Variants in NUAK1 observed in about 807,000 individuals in gnomAD.
The protein encoded by NUAK1 is NUAK family SNF1-like kinase 1.
A neutral mutation model predicts 56.9 loss-of-function variants in NUAK1; 26 were observed. That is an observed-to-expected ratio of 0.46 (90% confidence interval 0.33 to 0.63). The LOEUF (loss-of-function observed/expected upper bound fraction) is 0.63, where lower values mean the gene tolerates loss of function less well. NUAK1 is among the 30% of genes least tolerant of loss of function. The pLI is 0.02. For synonymous variants in NUAK1, 337 were observed against 336.0 expected, an observed-to-expected ratio of 1.00 and a Z score of -0.03; for missense variants, 727 against 876.1, an observed-to-expected ratio of 0.83 and a Z score of 2.15.
Position 106,072,711 on chromosome 12 carries a change from G to C in NUAK1, c.699+13C>G. On this transcript the variant is annotated intron_variant, in intron 5 of 6. Transcript: ENST00000261402. The stretch of plus-strand genomic sequence containing the variant: ...CCCTCCCCTGCCCCATACACATTGG[G>C]AAAGCTGCTCACCTCTGGCCCTCGG... 6.2e-7 allele frequency: 1 copy of C among 1,613,040 alleles called. No individual in the cohort carries two copies.
rs752050315 is a variant in NUAK1, at chr12:106,067,088, C to T, written c.1700G>A (p.Arg567His). Residue 567 changes from arginine to histidine, a missense_variant, in exon 7 of 7, where the codon CGC becomes CAC. Physicochemically the swap from Arg to His is conservative, Grantham distance 29 (BLOSUM62 0). Coordinates refer to ENST00000261402, the MANE Select transcript of NUAK1 (RefSeq NM_014840.3). The surrounding 1 kb of genome is among the most constrained non-coding windows in gnomAD (Gnocchi z 6.0). The part of the protein sequence containing the change: ...PAEGLSRSYS[R>H]PSSVISDDSV... ...GTCATCGCTGATGACACTGGAAGGG[C>T]GGCTGTAGCTCCGGGAGAGGCCCTC... 1.3e-5 allele frequency: 21 copies of T among 1,614,200 alleles called. No individual in the cohort carries two copies. Among genetic ancestry groups the T allele is most frequent in the East Asian group, 4.5e-5 (2 of 44,884 alleles).
Position 106,071,006 on chromosome 12 carries a change from A to AC in NUAK1, c.700-101_700-100insG, listed in dbSNP as rs1417295635. On this transcript the variant is annotated intron_variant, in intron 5 of 6. Transcript: ENST00000261402. ...TAGCCTGTGAGCAGCCACCCCCAGC[A>AC]GCCCCAGGAACTGAATTTAGCACCT... is the stretch of plus-strand genomic sequence containing the variant. 8.1e-5 allele frequency: 108 copies of AC among 1,326,186 alleles called. No homozygotes were observed. The East Asian group carries it at 2.4e-3, about 29-fold the overall frequency. 82.2% of individuals were successfully genotyped at this position (1,326,186 alleles called of 1,614,324 possible).
intron 4 of NUAK1, among the ~76,000 whole-genome samples, chr12:106,075,121 T>C (rs543139555): frequency 1.1e-4 from 17 of 152,170 alleles, no homozygotes; most frequent in Non-Finnish European, 2.2e-4. Flanking sequence ...ATTTGCTCTG[T>C]AGCCGTTCTG....
chr12:106,099,080 T>C (rs1481673474), intron 2 of NUAK1, among the ~76,000 whole-genome samples: 1 of 152,238 alleles, frequency 6.6e-6, no homozygotes, highest in Non-Finnish European at 1.5e-5. Context: ...TATCCTCTTT[T>C]ATTTACTTAG....
rs1376502521 is a variant in NUAK1 at position 106,083,857 on chromosome 12, G to C, written c.579+7C>G. 1 of 1,613,570 alleles carries C rather than the reference G, an allele frequency of 6.2e-7. No homozygotes were observed. The highest frequency in any genetic ancestry group is 8.5e-7 in the Non-Finnish European group (1 of 1,179,538). Reference sequence around the variant, plus strand: ...CTGCATATCAATCGACGACGCAAGGGCTTTACCTTAATATTGCAGTTGTCA... The same window carrying C: ...CTGCATATCAATCGACGACGCAAGGCCTTTACCTTAATATTGCAGTTGTCA... On this transcript the variant is annotated splice_region_variant and intron_variant, in intron 4 of 6. Coordinates refer to ENST00000261402, the MANE Select transcript of NUAK1 (RefSeq NM_014840.3).
chr12:106,126,458 C>T (rs1360260898), intron 1 of NUAK1, among the ~76,000 whole-genome samples: 3 of 152,160 alleles, frequency 2.0e-5, no homozygotes, highest in African/African-American at 7.2e-5. Flanking sequence ...CTGCCATCAT[C>T]CCCAAGTTAC....
rs764819884 is a variant in NUAK1 at position 106,130,760 on chromosome 12, C to G, written c.240+7654G>C. Among the ~76,000 whole-genome samples the G allele has an allele frequency of 3.6e-4, 55 of 152,334 alleles. 1 individual carries two copies. Among genetic ancestry groups the G allele is most frequent in the Non-Finnish European group, 7.3e-4 (50 of 68,034 alleles). On this transcript the variant is annotated intron_variant, in intron 1 of 6. Transcript: ENST00000261402. ...TTCATATGTATCCACCTGGAGGAGG[C>G]CTTTTTTTAATTTGCACAAAGGTGC...
chr12:106,065,231 G>A lies in NUAK1; in HGVS notation c.*1571C>T, dbSNP rs141582401. 6.6e-6 allele frequency: 1 copy of A among 152,306 alleles called. No individual in the cohort carries two copies. The highest frequency in any genetic ancestry group is 1.5e-5 in the Non-Finnish European group (1 of 68,028). 9.4% of individuals were successfully genotyped at this position (152,306 alleles called of 1,614,324 possible). A position where few individuals can be genotyped will look rare whatever the true frequency, so the allele number is the denominator to read the frequency against. On this transcript the variant is annotated 3_prime_UTR_variant, in exon 7 of 7. Coordinates refer to ENST00000261402, the MANE Select transcript of NUAK1 (RefSeq NM_014840.3). Reference sequence around the variant, plus strand: ...AGTACAAACCTAGTATCATGAAGGTGTCCCATGGTTGGAGTGGCATCTTGT... The same window carrying A: ...AGTACAAACCTAGTATCATGAAGGTATCCCATGGTTGGAGTGGCATCTTGT...
At chr12:106,125,424 T>C (rs889222200) in intron 1 of NUAK1, among the ~76,000 whole-genome samples, 1 of 152,186 alleles carries the variant, frequency 6.6e-6, no homozygotes, top group Admixed American at 6.5e-5. Context: ...AGTCAGACGG[T>C]CCAGCCCTAC....
Position 106,065,344 on chromosome 12 carries a change from G to A in NUAK1, c.*1458C>T, listed in dbSNP as rs1163582691. ...GTTTACTTTTTAAGATAAGAGTCCT[G>A]CCGCACCTCTTTTCTGTCTCCCCCA... is the stretch of plus-strand genomic sequence containing the variant. On this transcript the variant is annotated 3_prime_UTR_variant, in exon 7 of 7. Transcript: ENST00000261402. The A allele has an allele frequency of 6.6e-6, 1 of 152,050 alleles. No individual in the cohort carries two copies. The highest frequency in any genetic ancestry group is 1.5e-5 in the Non-Finnish European group (1 of 68,010). 9.4% of individuals were successfully genotyped at this position (152,050 alleles called of 1,614,324 possible). A position where few individuals can be genotyped will look rare whatever the true frequency, so the allele number is the denominator to read the frequency against.
intron 1 of NUAK1, among the ~76,000 whole-genome samples, chr12:106,119,548 G>A (rs956811454): frequency 2.0e-5 from 3 of 152,152 alleles, no homozygotes; most frequent in African/African-American, 7.2e-5. Context: ...AAATCTGTAG[G>A]GAAGCTGGAA....
At chr12:106,073,615 C>A (rs997991637) in intron 4 of NUAK1, among the ~76,000 whole-genome samples, 4 of 151,998 alleles carry the variant, frequency 2.6e-5, no homozygotes, top group African/African-American at 9.7e-5. Context: ...GTCAAGAATT[C>A]GAGACCAGCC....
intron 2 of NUAK1, 22 bp downstream of exon 2, chr12:106,106,383 A>T (rs397833289): frequency 4.3e-5 from 8 of 187,418 alleles, no homozygotes; most frequent in Non-Finnish European, 7.0e-5. Context: ...TATGGGGGTT[A>T]AAAAAAAAAA....
intron 1 of NUAK1, among the ~76,000 whole-genome samples, chr12:106,130,679 G>A (rs996605415): frequency 3.3e-5 from 5 of 152,222 alleles, no homozygotes; most frequent in Admixed American, 6.5e-5. Context: ...AGCCCGCGTC[G>A]TTCTCACAGA....
intron 1 of NUAK1, among the ~76,000 whole-genome samples, chr12:106,131,168 C>T (rs968696690): frequency 6.6e-6 from 1 of 152,176 alleles, no homozygotes; most frequent in Admixed American, 6.5e-5. Flanking sequence ...TGAGCCCCCC[C>T]CTTTTTAAGT....
intron 2 of NUAK1, among the ~76,000 whole-genome samples, chr12:106,088,734 T>C (rs1217637539): frequency 6.6e-6 from 1 of 152,250 alleles, no homozygotes; most frequent in African/African-American, 2.4e-5. Flanking sequence ...TTAGCTATTA[T>C]TGTTGCTATC....
At chr12:106,094,919 G>C (rs2032679615) in intron 2 of NUAK1, among the ~76,000 whole-genome samples, 1 of 152,148 alleles carries the variant, frequency 6.6e-6, no homozygotes, top group African/African-American at 2.4e-5. Context: ...TTGTGTGGGA[G>C]AGGGGACTTG....
intron 3 of NUAK1, among the ~76,000 whole-genome samples, chr12:106,085,051 G>A (rs770139064): frequency 1.3e-5 from 2 of 152,186 alleles, no homozygotes; most frequent in African/African-American, 2.4e-5. Context: ...CCTGCAATGA[G>A]GTCTTCTGAA....
chr12:106,073,207 A>G (rs918641100), intron 4 of NUAK1, among the ~76,000 whole-genome samples: 3 of 152,236 alleles, frequency 2.0e-5, no homozygotes, highest in African/African-American at 7.2e-5. Context: ...GATGAACATT[A>G]AAGTGTGTAA....
Sources: gnomAD v4.1 joint callset for allele counts (sites outside exome capture counted in the v4.1 genomes callset) on GRCh38, gnomAD v4.1.1 for gene constraint, Gnocchi (gnomAD v3.1) non-coding constraint, MANE v1.5 for transcripts, NCBI Gene and HGNC (gene_info 2026-07-23, HGNC 2026-07-21) for gene names.